CAPN7: variants seen among roughly 807,000 people sequenced by gnomAD.
CAPN7 encodes the protein calpain-7.
A neutral mutation model predicts 115.2 loss-of-function variants in CAPN7; 72 were observed. That is an observed-to-expected ratio of 0.63 (90% CI 0.52 to 0.76). CAPN7 has a LOEUF of 0.76. Ranked by LOEUF, CAPN7 falls within the 30% of genes least tolerant of loss-of-function variation. CAPN7 has a pLI of 0.00. For missense variants in CAPN7, 905 were observed against 971.5 expected (o/e 0.93, Z 0.91); for synonymous variants, 344 against 322.3 (o/e 1.07, Z -0.72).
intron 6 of CAPN7, among the ~76,000 whole-genome samples, chr3:15,224,174 A>C (rs1256994304): frequency 4.6e-5 from 7 of 152,254 alleles, no homozygotes. Flanking sequence ...CTATACAGTC[A>C]AATATTATGC....
At chr3:15,221,658 A>C (rs1386434069) in intron 5 of CAPN7, among the ~76,000 whole-genome samples, 7 of 134,262 alleles carry the variant, frequency 5.2e-5, no homozygotes, top group Non-Finnish European at 8.8e-5. Context: ...CTAATGGGAG[A>C]AAAAATGTTA....
intron 19 of CAPN7, among the ~76,000 whole-genome samples, chr3:15,248,333 T>C (rs1028209126): frequency 2.0e-5 from 3 of 152,198 alleles, no homozygotes; most frequent in Non-Finnish European, 2.9e-5. Flanking sequence ...AGTCCTGATA[T>C]AACAATGGAA....
chr3:15,220,909 A>G lies in CAPN7; in HGVS notation c.566A>G (p.Gln189Arg). ...GCTAATCCCTTCCTTGAAAGACCTC[A>G]GTCATTTATAAGTCCTCAGTCATGT... is the stretch of plus-strand genomic sequence containing the variant. The part of the protein sequence containing the change: ...LGANPFLERP[Q>R]SFISPQSCDA... Residue 189 changes from glutamine (Q) to arginine (R), a missense_variant, in exon 5 of 21, where the codon CAG becomes CGG. By Grantham distance (43) the Gln-to-Arg change is conservative. Coordinates refer to ENST00000253693, the MANE Select transcript of CAPN7 (RefSeq NM_014296.3). 1.2e-6 allele frequency: 2 copies of G among 1,614,194 alleles called. No homozygotes were observed. Among genetic ancestry groups the G allele is most frequent in the Non-Finnish European group, 1.7e-6 (2 of 1,180,020 alleles).
chr3:15,220,756 AGTT>A (rs762240205), intron 4 of CAPN7, 22 bp from the exon 5 acceptor site: 3 of 1,607,208 alleles, frequency 1.9e-6, no homozygotes, highest in Non-Finnish European at 2.6e-6. Context: ...AAACTAGAAC[AGTT>A]GTTTGTTCCT....
At chr3:15,250,782 G>GT (rs1351754886) in intron 19 of CAPN7, 149 bp from the exon 20 acceptor site, 1 of 587,084 alleles carries the variant, frequency 1.7e-6, no homozygotes, top group African/African-American at 1.9e-5. Flanking sequence ...TATAAATGGT[G>GT]TGTTATGATC....
intron 1 of CAPN7, among the ~76,000 whole-genome samples, chr3:15,207,148 C>T (rs1264248753): frequency 3.9e-5 from 6 of 152,212 alleles, no homozygotes; most frequent in Non-Finnish European, 8.8e-5. Flanking sequence ...GCCTGTTCCA[C>T]ACCTAAGCTG....
chr3:15,218,569 A>G (rs1170865630), intron 4 of CAPN7, 29 bp downstream of exon 4: 2 of 1,500,626 alleles, frequency 1.3e-6, no homozygotes, highest in Non-Finnish European at 1.9e-6. Context: ...GTTCTAATCC[A>G]TGGATGGCAC....
At position 15,251,165 on chromosome 3, in the gene CAPN7, A is replaced by G; in HGVS notation, c.2347A>G (p.Asn783Asp). ...AGAAAATATACCTTCTGGGATCTTC[A>G]ATATCATTCCTAGTACCTTTTTGCC... ...ELENIPSGIF[N>D]IIPSTFLPKQ... The change falls in exon 21 of 21, where the codon AAT (asparagine) becomes GAT (aspartate). Residue 783 changes from asparagine (N) to aspartate (D), a missense_variant. Asn to Asp is a conservative substitution (Grantham distance 23). Transcript: ENST00000253693. 1 of 1,608,140 alleles carries G rather than the reference A, an allele frequency of 6.2e-7. No homozygotes were observed. The highest frequency in any genetic ancestry group is 8.5e-7 in the Non-Finnish European group (1 of 1,175,376).
chr3:15,223,832 C>A (rs1694144567), intron 6 of CAPN7, among the ~76,000 whole-genome samples: 1 of 152,082 alleles, frequency 6.6e-6, no homozygotes, highest in Non-Finnish European at 1.5e-5. Context: ...AATATTTGTC[C>A]AAGCAGTGAT....
At chr3:15,233,272 C>G (rs1694799388) in intron 10 of CAPN7, among the ~76,000 whole-genome samples, 1 of 152,192 alleles carries the variant, frequency 6.6e-6, no homozygotes, top group Admixed American at 6.5e-5. Flanking sequence ...GTGACATATG[C>G]AAATCACCCA....
At chr3:15,248,079 G>A (rs1352658116) in intron 19 of CAPN7, among the ~76,000 whole-genome samples, 1 of 152,086 alleles carries the variant, frequency 6.6e-6, no homozygotes, top group African/African-American at 2.4e-5. Flanking sequence ...AATGCTAGAT[G>A]ACGAGTTAGT....
Position 15,212,256 on chromosome 3 carries a change from C to G in CAPN7, c.211+44C>G, listed in dbSNP as rs186107227. On this transcript the variant is annotated intron_variant, in intron 2 of 20. Transcript: ENST00000253693. ...AACTTGTCACTCTATTTTTTCTTTT[C>G]TCCCATCATGTCTTTCCCCCATGTT... The G allele has an allele frequency of 2.7e-4, 290 of 1,080,018 alleles. No individual in the cohort carries two copies. The African/African-American group carries it at 3.3e-3, about 12-fold the overall frequency. The allele number at this position is 1,080,018 out of a possible 1,614,324, so 66.9% of individuals were successfully genotyped here.
chr3:15,233,911 T>C lies in CAPN7; in HGVS notation c.1224T>C (p.Ile408=), dbSNP rs776142473. ...TGACTGGCTGGATACCAGAAAGAAT[T>C]GCTATGCATTCAGATAGCCAAACTT... ...HALTGWIPER[I]AMHSDSQTFS... is the part of the protein sequence containing the mutation. The change falls in exon 11 of 21, where the codon ATT becomes ATC. Residue 408 remains isoleucine (I), a synonymous_variant. Transcript: ENST00000253693. 3 of 1,607,944 alleles carry C rather than the reference T, an allele frequency of 1.9e-6. No homozygotes were observed. The highest frequency in any genetic ancestry group is 4.5e-5 in the East Asian group (2 of 44,686).
chr3:15,230,849 G>A (rs978767093), intron 9 of CAPN7, among the ~76,000 whole-genome samples: 2 of 152,188 alleles, frequency 1.3e-5, no homozygotes, highest in Admixed American at 6.5e-5. Context: ...TGATTAAAAG[G>A]AAATCAGACA....
At chr3:15,227,671 G>T (rs1236833907) in intron 6 of CAPN7, among the ~76,000 whole-genome samples, 168 bp from the exon 7 acceptor site, 2 of 151,814 alleles carry the variant, frequency 1.3e-5, no homozygotes, top group African/African-American at 4.8e-5. Context: ...GGATGATCAG[G>T]TTGACTGGAC....
At chr3:15,250,750 C>CT (rs1695958963) in intron 19 of CAPN7, among the ~76,000 whole-genome samples, 181 bp from the exon 20 acceptor site, 1 of 152,196 alleles carries the variant, frequency 6.6e-6, no homozygotes. Flanking sequence ...TGGTGTTAAT[C>CT]TTTAAGGCTT....
At chr3:15,215,514 T>G (rs1293493621) in intron 2 of CAPN7, among the ~76,000 whole-genome samples, 2 of 151,610 alleles carry the variant, frequency 1.3e-5, no homozygotes, top group East Asian at 3.8e-4. Context: ...TCCCTCCCCC[T>G]AGCCACCACT....
chr3:15,234,913 G>T, intron 11 of CAPN7, 112 bp from the exon 12 acceptor site: 1 of 745,372 alleles, frequency 1.3e-6, no homozygotes, highest in South Asian at 2.7e-5. Flanking sequence ...AATTCTTCAG[G>T]GGTAGGAACA....
intron 16 of CAPN7, among the ~76,000 whole-genome samples, chr3:15,245,171 T>A (rs2125007576): frequency 6.6e-6 from 1 of 150,534 alleles, no homozygotes; most frequent in South Asian, 2.1e-4. Context: ...TTTATATACT[T>A]CTTTTTATTT....
Sources: gnomAD v4.1 joint callset for allele counts (sites outside exome capture counted in the v4.1 genomes callset) on GRCh38, gnomAD v4.1.1 for gene constraint, MANE v1.5 for transcripts, NCBI Gene and HGNC (gene_info 2026-07-23, HGNC 2026-07-21) for gene names.